SH3TC2: variants seen among roughly 807,000 people sequenced by gnomAD.
The protein encoded by SH3TC2 is SH3 domain and tetratricopeptide repeat-containing protein 2.
Under a neutral mutation model 124.5 loss-of-function variants are expected in SH3TC2, and 87 were observed. The observed-to-expected ratio is 0.70, with a 90% CI of 0.59 to 0.84. The LOEUF is 0.84. SH3TC2 is among the 40% of genes least tolerant of loss of function. The pLI is 0.00. For missense variants in SH3TC2, 1,536 were observed against 1,566.4 expected (o/e 0.98, Z 0.33); for synonymous variants, 634 against 628.5 (o/e 1.01, Z -0.13).
rs1753361795 is a variant in SH3TC2, at chr5:148,988,020, CAG to C, written c.*16689_*16690del. Among the ~76,000 whole-genome samples, 1 of 152,146 alleles carries C rather than the reference CAG, an allele frequency of 6.6e-6. No homozygotes were observed. The highest frequency in any genetic ancestry group is 6.5e-5 in the Admixed American group (1 of 15,284). On this transcript the variant is annotated 3_prime_UTR_variant, in exon 17 of 17. Transcript: ENST00000515425. ...CTGTTGCACCTCCTCTGGCCAAGGA[CAG>C]AGAGTCATATCATCTGCCCACTTGG...
In SH3TC2 at chr5:148,986,509, C is replaced by T. The variant is rs1753333826; in HGVS notation, c.*18202G>A. On this transcript the variant is annotated 3_prime_UTR_variant, in exon 17 of 17. Coordinates refer to ENST00000515425, the MANE Select transcript of SH3TC2 (RefSeq NM_024577.4). ...CTCATTTTTCTGCTGTTTCTCTGAC[C>T]CTTTGTGAGTTAAGATCTGCCAGGG... is the stretch of plus-strand genomic sequence containing the variant. Among the ~76,000 whole-genome samples the T allele has an allele frequency of 6.6e-6, 1 of 152,102 alleles. No individual in the cohort carries two copies. The highest frequency in any genetic ancestry group is 2.1e-4 in the South Asian group (1 of 4,818).
chr5:149,048,082 C>G, intron 2 of SH3TC2, 93 bp from the exon 3 acceptor site: 1 of 1,545,214 alleles, frequency 6.5e-7, no homozygotes, highest in Non-Finnish European at 8.9e-7. Flanking sequence ...TACATGTATA[C>G]CTGAACCCTC....
At chr5:149,012,840 C>T in intron 12 of SH3TC2, 106 bp from the exon 13 acceptor site, 12 of 1,312,458 alleles carry the variant, frequency 9.1e-6, no homozygotes, top group Non-Finnish European at 1.3e-5. Flanking sequence ...CCATGTCCCA[C>T]ATCACACAGG....
At position 149,004,282 on chromosome 5, in the gene SH3TC2, G is replaced by A. The variant is rs1414323832; in HGVS notation, c.*429C>T. ...AACTACAGGTTCCTCTGCTGGCAAG[G>A]GGAAGGGGTCTTTCCCTGAGAAAAT... On this transcript the variant is annotated 3_prime_UTR_variant, in exon 17 of 17. Coordinates refer to ENST00000515425, the MANE Select transcript of SH3TC2 (RefSeq NM_024577.4). 2.2e-4 allele frequency: 42 copies of A among 190,688 alleles called. No homozygotes were observed. Among genetic ancestry groups the A allele is most frequent in the Non-Finnish European group, 2.2e-5 (2 of 90,754 alleles). 11.8% of individuals were successfully genotyped at this position (190,688 alleles called of 1,614,324 possible).
chr5:148,990,270 G>T lies in SH3TC2; in HGVS notation c.*14441C>A, dbSNP rs985761637. On this transcript the variant is annotated 3_prime_UTR_variant, in exon 17 of 17. Coordinates refer to ENST00000515425, the MANE Select transcript of SH3TC2 (RefSeq NM_024577.4). ...TATATTCATAGTAAGATGACAAACT[G>T]TTCCTCTTTAGAAGTACAGATATAT... Among the ~76,000 whole-genome samples the T allele has an allele frequency of 6.6e-6, 1 of 152,020 alleles. No homozygotes were observed. Among genetic ancestry groups the T allele is most frequent in the African/African-American group, 2.4e-5 (1 of 41,390 alleles).
chr5:149,036,202 C>T (rs980663670), intron 8 of SH3TC2, among the ~76,000 whole-genome samples: 12 of 152,336 alleles, frequency 7.9e-5, no homozygotes, highest in African/African-American at 2.9e-4. Context: ...AGTGGAGGCA[C>T]AAGCTGCACT....
chr5:148,993,204 A>G lies in SH3TC2; in HGVS notation c.*11507T>C, dbSNP rs1753449542. On this transcript the variant is annotated 3_prime_UTR_variant, in exon 17 of 17. Coordinates refer to ENST00000515425, the MANE Select transcript of SH3TC2 (RefSeq NM_024577.4). ...AATGTGTTAATGAGCAAACATTCACAGGGGAATCAAATTATCCCAATAAAA... is the reference window on the plus strand; with the variant it reads ...AATGTGTTAATGAGCAAACATTCACGGGGGAATCAAATTATCCCAATAAAA... Among the ~76,000 whole-genome samples the G allele has an allele frequency of 1.3e-5, 2 of 152,338 alleles. No individual in the cohort carries two copies. Among genetic ancestry groups the G allele is most frequent in the Admixed American group, 1.3e-4 (2 of 15,300 alleles).
chr5:149,012,491 C>T (rs1753800022), intron 13 of SH3TC2, 93 bp downstream of exon 13: 3 of 1,505,588 alleles, frequency 2.0e-6, no homozygotes, highest in Admixed American at 1.7e-5. Flanking sequence ...AACATCATCC[C>T]TCTCTGGTTC....
At position 149,028,074 on chromosome 5, in the gene SH3TC2, T is replaced by G; in HGVS notation, c.1658A>C (p.Glu553Ala). 1 of 1,614,078 alleles carries G rather than the reference T, an allele frequency of 6.2e-7. No individual in the cohort carries two copies. Among genetic ancestry groups the G allele is most frequent in the Non-Finnish European group, 8.5e-7 (1 of 1,180,034 alleles). Reference protein sequence around the residue: ...KLSQARVYFEEAIHILNGAFE... With the variant: ...KLSQARVYFEAAIHILNGAFE... ...TGCTCCATTGAGAATGTGGATGGCC[T>G]CCTCGAAGTACACCCTGGCCTGAGA... The change falls in exon 11 of 17, where the codon GAG becomes GCG. Residue 553 changes from glutamate (E) to alanine (A), a missense_variant. Glu to Ala is a moderately radical substitution (Grantham distance 107, BLOSUM62 -1). Around this residue, in one of 3 missense-constraint regions of SH3TC2, gnomAD observed 1,102 missense variants for 1,098.6 expected, o/e 1.00. Coordinates refer to ENST00000515425, the MANE Select transcript of SH3TC2 (RefSeq NM_024577.4).
At chr5:149,049,029 G>A (rs1291457692) in intron 2 of SH3TC2, among the ~76,000 whole-genome samples, 1 of 152,184 alleles carries the variant, frequency 6.6e-6, no homozygotes, top group Admixed American at 6.5e-5. Context: ...GCACATTAGA[G>A]ATGACCCCTA....
rs758104538 is a variant in SH3TC2, at chr5:149,062,394, A to G, written c.52+577T>C. ...ATTCCTCAGTCCCAGGCAAACCATA[A>G]TGGCTGGTCACCCTAAGTCACTCTC... On this transcript the variant is annotated intron_variant, in intron 1 of 16. Coordinates refer to ENST00000515425, the MANE Select transcript of SH3TC2 (RefSeq NM_024577.4). 5.6e-6 allele frequency: 3 copies of G among 533,480 alleles called. No individual in the cohort carries two copies. The Admixed American group carries it at 5.8e-5, about 10-fold the overall frequency. 33.0% of individuals were successfully genotyped at this position (533,480 alleles called of 1,614,324 possible).
At chr5:149,004,997 TTTGTTTG>T in intron 16 of SH3TC2, 95 bp from the exon 17 acceptor site, 13 of 1,285,554 alleles carry the variant, frequency 1.0e-5, no homozygotes, top group African/African-American at 1.5e-5. Flanking sequence ...GTTTTTTTTG[TTTGTTTG>T]TTTGTTTGTT....
At chr5:149,033,391 A>G (rs1044933937) in intron 8 of SH3TC2, among the ~76,000 whole-genome samples, 2 of 152,220 alleles carry the variant, frequency 1.3e-5, no homozygotes, top group Non-Finnish European at 1.5e-5. Flanking sequence ...CTATAGAAAA[A>G]TCTGTAACAA....
At chr5:149,020,300 G>A (rs537880133) in intron 12 of SH3TC2, among the ~76,000 whole-genome samples, 11 of 151,862 alleles carry the variant, frequency 7.2e-5, no homozygotes, top group Non-Finnish European at 1.3e-4. Flanking sequence ...TTACCCCAGG[G>A]TAACCATTAA....
intron 12 of SH3TC2, among the ~76,000 whole-genome samples, chr5:149,016,720 T>C: frequency 6.6e-6 from 1 of 151,954 alleles, no homozygotes. Context: ...GGTCAGGAGA[T>C]CGAGACCATC....
At chr5:149,021,793 T>G (rs1269191721) in intron 12 of SH3TC2, among the ~76,000 whole-genome samples, 2 of 148,428 alleles carry the variant, frequency 1.3e-5, no homozygotes, top group East Asian at 4.3e-4. Flanking sequence ...AAAAACTCCT[T>G]ACAAAGGTAA....
rs929199559 is a variant in SH3TC2 at position 148,993,174 on chromosome 5, C to A, written c.*11537G>T. On this transcript the variant is annotated 3_prime_UTR_variant, in exon 17 of 17. Coordinates refer to ENST00000515425, the MANE Select transcript of SH3TC2 (RefSeq NM_024577.4). ...TAAAACTGACAACAGCTAACCTACACAAAGAATGTGTTAATGAGCAAACAT... is the reference window on the plus strand; with the variant it reads ...TAAAACTGACAACAGCTAACCTACAAAAAGAATGTGTTAATGAGCAAACAT... Among the ~76,000 whole-genome samples, 3 of 152,140 alleles carry A rather than the reference C, an allele frequency of 2.0e-5. No homozygotes were observed. Among genetic ancestry groups the A allele is most frequent in the African/African-American group, 7.2e-5 (3 of 41,422 alleles).
chr5:149,013,215 C>T (rs58971544), intron 12 of SH3TC2, among the ~76,000 whole-genome samples: 4 of 152,042 alleles, frequency 2.6e-5, no homozygotes, highest in South Asian at 2.1e-4. Context: ...CCCCATATGT[C>T]GTGGGAGGGA....
intron 13 of SH3TC2, among the ~76,000 whole-genome samples, chr5:149,012,305 T>A (rs1753797222): frequency 6.6e-6 from 1 of 152,206 alleles, no homozygotes; most frequent in Admixed American, 6.5e-5. Context: ...ACGGGACAAG[T>A]GACGTTACAG....
Sources: gnomAD v4.1 joint callset for allele counts (sites outside exome capture counted in the v4.1 genomes callset) on GRCh38, gnomAD v4.1.1 for gene constraint, gnomAD v4.1.1 regional missense constraint, MANE v1.5 for transcripts, NCBI Gene and HGNC (gene_info 2026-07-23, HGNC 2026-07-21) for gene names.